COG5: variants seen among roughly 807,000 people sequenced by gnomAD.
The protein encoded by COG5 is component of oligomeric golgi complex 5.
COG5 carries 86 observed loss-of-function variants against 110.4 expected under a neutral mutation model. That is an observed-to-expected ratio of 0.78 (90% CI 0.65 to 0.93). COG5 has a LOEUF of 0.93. Among genes scored for constraint, COG5 ranks in the 40% least tolerant of loss-of-function variants. The pLI, the probability that COG5 is intolerant of heterozygous loss-of-function variation, is 0.00. For synonymous variants in COG5, 360 were observed against 334.6 expected, an observed-to-expected ratio of 1.08 and a Z score of -0.83; for missense variants, 1,077 against 987.0, an observed-to-expected ratio of 1.09 and a Z score of -1.22.
chr7:107,414,888 T>G (rs933011563), intron 6 of COG5, among the ~76,000 whole-genome samples: 1 of 151,688 alleles, frequency 6.6e-6, no homozygotes, highest in Non-Finnish European at 1.5e-5. Flanking sequence ...TCACGACGCC[T>G]GGCTAATTTT....
intron 7 of COG5, among the ~76,000 whole-genome samples, chr7:107,379,320 C>G (rs1251051332): frequency 2.0e-5 from 3 of 152,088 alleles, no homozygotes; most frequent in African/African-American, 4.8e-5. Context: ...CAAAAACATA[C>G]CAAATTGTGA....
chr7:107,264,544 T>C (rs1197525335), intron 14 of COG5, among the ~76,000 whole-genome samples: 1 of 151,780 alleles, frequency 6.6e-6, no homozygotes, highest in Non-Finnish European at 1.5e-5. Flanking sequence ...ATACAAAAAT[T>C]AGCCAGGTGT....
intron 10 of COG5, among the ~76,000 whole-genome samples, chr7:107,360,247 C>T (rs909882190): frequency 2.6e-5 from 4 of 152,176 alleles, no homozygotes; most frequent in Admixed American, 2.6e-4. Flanking sequence ...AAGAGCTGGA[C>T]ACTTGTGGGG....
intron 11 of COG5, among the ~76,000 whole-genome samples, chr7:107,305,057 A>C (rs1298722081): frequency 1.3e-5 from 2 of 152,228 alleles, no homozygotes; most frequent in East Asian, 3.8e-4. Context: ...GCAAGGTTAG[A>C]GAAGAGACAG....
At chr7:107,331,503 T>C (rs1263765610) in intron 10 of COG5, among the ~76,000 whole-genome samples, 4 of 151,632 alleles carry the variant, frequency 2.6e-5, no homozygotes, top group African/African-American at 7.3e-5. Flanking sequence ...CTGATAATAA[T>C]GTGGAAGATG....
At chr7:107,246,323 G>C (rs1283303686) in intron 17 of COG5, among the ~76,000 whole-genome samples, 1 of 152,106 alleles carries the variant, frequency 6.6e-6, no homozygotes, top group Non-Finnish European at 1.5e-5. Context: ...TCATGACAAA[G>C]ACATCAGAAG....
rs780294835 is a variant in COG5 at position 107,230,708 on chromosome 7, T to C, written c.2092-17A>G. 15 of 1,562,678 alleles carry C rather than the reference T, an allele frequency of 9.6e-6. No homozygotes were observed. The highest frequency in any genetic ancestry group is 3.3e-5 in the South Asian group (3 of 90,078). On this transcript the variant is annotated splice_polypyrimidine_tract_variant and intron_variant, in intron 18 of 21. Coordinates refer to ENST00000297135, the MANE Select transcript of COG5 (RefSeq NM_006348.5). ...CAACTCCATCTGAAATATTAAAATATACTCCATTGTTGTAATGTCAGAATC... is the reference window on the plus strand; with the variant it reads ...CAACTCCATCTGAAATATTAAAATACACTCCATTGTTGTAATGTCAGAATC...
At chr7:107,281,206 AT>A in intron 14 of COG5, 93 bp downstream of exon 14, 1 of 845,288 alleles carries the variant, frequency 1.2e-6, no homozygotes, top group African/African-American at 1.7e-5. Context: ...AAGTAAGTAA[AT>A]AGTCAATTCA....
intron 7 of COG5, among the ~76,000 whole-genome samples, chr7:107,409,731 G>T (rs1038955204): frequency 6.6e-6 from 1 of 152,184 alleles, no homozygotes; most frequent in African/African-American, 2.4e-5. Context: ...GCCTTAAATA[G>T]GAAGGTTAGA....
chr7:107,438,120 A>G (rs796468132), intron 6 of COG5, among the ~76,000 whole-genome samples: 13 of 152,302 alleles, frequency 8.5e-5, no homozygotes, highest in African/African-American at 3.1e-4. Context: ...GACCAGAAAA[A>G]GAGAAGAAAC....
chr7:107,270,944 G>A (rs1043658092), intron 14 of COG5, among the ~76,000 whole-genome samples: 1 of 124,232 alleles, frequency 8.0e-6, no homozygotes, highest in Non-Finnish European at 1.6e-5. Flanking sequence ...ACCCAGGCTG[G>A]TCTCTAACTC....
At position 107,309,881 on chromosome 7, in the gene COG5, T is replaced by C. The variant is rs549178000; in HGVS notation, c.1109-11535A>G. Among the ~76,000 whole-genome samples the C allele has an allele frequency of 2.0e-5, 3 of 152,322 alleles. No individual in the cohort carries two copies. The South Asian group carries it at 6.2e-4, about 32-fold the overall frequency. ...GCTTTTATCCCTGTTCCTGCCAATG[T>C]ATTCTTCATACCCAACCCCCTCTCT... On this transcript the variant is annotated intron_variant, in intron 11 of 21. Coordinates refer to ENST00000297135, the MANE Select transcript of COG5 (RefSeq NM_006348.5).
At chr7:107,471,339 C>T (rs1796620592) in intron 6 of COG5, 1 of 151,924 alleles carries the variant, frequency 6.6e-6, no homozygotes, top group South Asian at 2.1e-4. Context: ...ATTAAAAACC[C>T]TATTTCTTAA....
rs529879137 is a variant in COG5 at position 107,378,084 on chromosome 7, A to G, written c.670-5324T>C. The stretch of plus-strand genomic sequence containing the variant: ...CTTTCAGAGGAAGGAACAGGCAGCA[A>G]TCTTTGCTGTTCTGCAACCTCTGCT... On this transcript the variant is annotated intron_variant, in intron 7 of 21. Coordinates refer to ENST00000297135, the MANE Select transcript of COG5 (RefSeq NM_006348.5). Among the ~76,000 whole-genome samples the G allele has an allele frequency of 2.2e-3, 329 of 152,294 alleles. 2 individuals are homozygous for G. The highest frequency in any genetic ancestry group is 2.5e-3 in the Non-Finnish European group (173 of 68,004).
intron 6 of COG5, among the ~76,000 whole-genome samples, chr7:107,416,032 G>A (rs529259940): frequency 4.0e-4 from 60 of 149,136 alleles, no homozygotes; most frequent in Non-Finnish European, 1.9e-4. Context: ...ATATATGTGT[G>A]TATATATAAA....
In COG5 at chr7:107,510,892, G is replaced by A. The variant is rs147138939; in HGVS notation, c.538+16345C>T. Among the ~76,000 whole-genome samples the A allele has an allele frequency of 6.9e-4, 105 of 152,248 alleles. 4 individuals are homozygous for A. In the East Asian group the frequency reaches 0.019, roughly 28 times the overall value. On this transcript the variant is annotated intron_variant, in intron 6 of 21. Transcript: ENST00000297135. ...CCAGTATCTCTGGCACACATTCAAA[G>A]CAGTGTGTAGAGGGAAATTTATAGC...
In COG5 at chr7:107,208,886, T is replaced by G. The variant is rs1353581278; in HGVS notation, c.2375+1640A>C. 9.1e-6 allele frequency: 9 copies of G among 985,292 alleles called. No individual in the cohort carries two copies. The Admixed American group carries it at 1.8e-4, about 20-fold the overall frequency. The allele number at this position is 985,292 out of a possible 1,614,324, so 61.0% of individuals were successfully genotyped here. Reference sequence around the variant, plus strand: ...CCTGTCATAGCTTCCTCAGCAGTCTTTCATCCTAACTGAAATATGACCCAC... The same window carrying G: ...CCTGTCATAGCTTCCTCAGCAGTCTGTCATCCTAACTGAAATATGACCCAC... On this transcript the variant is annotated intron_variant, in intron 21 of 21. Transcript: ENST00000297135.
intron 12 of COG5, among the ~76,000 whole-genome samples, chr7:107,289,513 C>T (rs1434406852): frequency 6.6e-6 from 1 of 152,040 alleles, no homozygotes; most frequent in Non-Finnish European, 1.5e-5. Flanking sequence ...TTTAGAAGCA[C>T]TTGTTACTTT....
At chr7:107,387,130 A>G (rs975773571) in intron 7 of COG5, among the ~76,000 whole-genome samples, 2 of 152,196 alleles carry the variant, frequency 1.3e-5, no homozygotes, top group African/African-American at 4.8e-5. Flanking sequence ...ATTTCTTTTA[A>G]CACTTATAAA....
Sources: allele counts gnomAD v4.1 joint callset (sites outside exome capture counted in the v4.1 genomes callset), GRCh38; gene constraint gnomAD v4.1.1; transcripts MANE v1.5; gene names NCBI Gene and HGNC (gene_info 2026-07-23, HGNC 2026-07-21).